Variants in VPS13B observed in about 807,000 individuals in gnomAD.
The protein encoded by VPS13B is intermembrane lipid transfer protein VPS13B.
VPS13B carries 285 observed loss-of-function variants against 426.4 expected under a neutral mutation model. That is an observed-to-expected ratio of 0.67 (90% confidence interval 0.61 to 0.74). The LOEUF is 0.74. Among genes scored for constraint, VPS13B ranks in the 30% least tolerant of loss-of-function variants. The pLI is 0.00. For missense variants in VPS13B, 4,537 were observed against 4,782.6 expected, an observed-to-expected ratio of 0.95 and a Z score of 1.51; for synonymous variants, 1,676 against 1,676.4, an observed-to-expected ratio of 1.00 and a Z score of 0.01.
chr8:99,814,068 A>G (rs1279137134), intron 44 of VPS13B, among the ~76,000 whole-genome samples: 1 of 152,240 alleles, frequency 6.6e-6, no homozygotes, highest in African/African-American at 2.4e-5. Flanking sequence ...TGAGCCGAGG[A>G]GTTCAAGGCT....
chr8:99,086,827 C>T (rs1348060664), intron 3 of VPS13B, among the ~76,000 whole-genome samples: 2 of 152,152 alleles, frequency 1.3e-5, no homozygotes, highest in African/African-American at 4.8e-5. Flanking sequence ...AGCTTTGTCT[C>T]AGAGGAGTAC....
intron 19 of VPS13B, among the ~76,000 whole-genome samples, chr8:99,379,847 AAG>A (rs1188747186): frequency 2.0e-5 from 3 of 152,176 alleles, no homozygotes; most frequent in Non-Finnish European, 4.4e-5. Context: ...ATTTGACAGA[AAG>A]AAATTCATAG....
chr8:99,131,125 C>T (rs1809774131), intron 8 of VPS13B, among the ~76,000 whole-genome samples: 1 of 151,966 alleles, frequency 6.6e-6, no homozygotes, highest in African/African-American at 2.4e-5. Context: ...AAAAAGTAAC[C>T]TTTTCTTTTT....
intron 30 of VPS13B, among the ~76,000 whole-genome samples, chr8:99,555,246 T>C (rs186317008): frequency 1.1e-3 from 175 of 152,238 alleles, no homozygotes; most frequent in Non-Finnish European, 7.8e-4. Context: ...AGTCATTCAC[T>C]GTCCATTATC....
chr8:99,025,262 TC>T (rs902208191), intron 2 of VPS13B, among the ~76,000 whole-genome samples: 9 of 152,172 alleles, frequency 5.9e-5, no homozygotes, highest in African/African-American at 2.2e-4. Context: ...CCAATTTTGA[TC>T]CCTGTTTCAA....
chr8:99,311,650 A>C (rs939054118), intron 19 of VPS13B, among the ~76,000 whole-genome samples: 1 of 152,118 alleles, frequency 6.6e-6, no homozygotes. Context: ...TATTCTGTTG[A>C]TTTGGGGTAG....
At chr8:99,714,826 C>T (rs769373793) in intron 36 of VPS13B, among the ~76,000 whole-genome samples, 10 of 152,016 alleles carry the variant, frequency 6.6e-5, no homozygotes, top group Non-Finnish European at 1.3e-4. Context: ...GGATGTGTCA[C>T]ATATTAAAGA....
chr8:99,093,200 C>A (rs1333902256), intron 3 of VPS13B, among the ~76,000 whole-genome samples: 2 of 151,776 alleles, frequency 1.3e-5, no homozygotes, highest in African/African-American at 2.4e-5. Flanking sequence ...GATTTGGTTA[C>A]TGGAAAGAAC....
At chr8:99,671,613 A>G (rs888123099) in intron 35 of VPS13B, among the ~76,000 whole-genome samples, 2 of 152,092 alleles carry the variant, frequency 1.3e-5, no homozygotes, top group Admixed American at 1.3e-4. Flanking sequence ...GTCTTACTAC[A>G]TTTAAGTCTT....
intron 19 of VPS13B, among the ~76,000 whole-genome samples, chr8:99,360,286 CT>C (rs1267102610): frequency 8.2e-6 from 1 of 121,444 alleles, no homozygotes; most frequent in African/African-American, 3.3e-5. Flanking sequence ...TTCCTTCTTT[CT>C]TTTTTTTTGT....
chr8:99,033,813 T>G (rs933252088), intron 2 of VPS13B, among the ~76,000 whole-genome samples: 1 of 152,038 alleles, frequency 6.6e-6, no homozygotes, highest in Non-Finnish European at 1.5e-5. Context: ...GGAAAATCAT[T>G]TGAACCCGGG....
At chr8:99,268,545 A>G (rs775246979) in intron 17 of VPS13B, among the ~76,000 whole-genome samples, 6 of 152,276 alleles carry the variant, frequency 3.9e-5, no homozygotes, top group Non-Finnish European at 7.4e-5. Flanking sequence ...TGACTGCCCT[A>G]TTGGATTTTA....
At chr8:99,476,402 G>T (rs1819689390) in intron 24 of VPS13B, among the ~76,000 whole-genome samples, 1 of 144,918 alleles carries the variant, frequency 6.9e-6, no homozygotes, top group Non-Finnish European at 1.5e-5. Context: ...CCAAAGGATG[G>T]CTTGATTTTT....
chr8:99,722,194 G>A (rs552931856), intron 39 of VPS13B, among the ~76,000 whole-genome samples: 8 of 152,176 alleles, frequency 5.3e-5, no homozygotes, highest in African/African-American at 1.7e-4. Context: ...CTTGGTCTTC[G>A]TCAGTCAGGT....
intron 15 of VPS13B, among the ~76,000 whole-genome samples, chr8:99,160,708 C>G (rs930966949): frequency 4.2e-4 from 62 of 146,850 alleles, no homozygotes; most frequent in African/African-American, 1.3e-3. Flanking sequence ...TGTAATGTAT[C>G]AAAAGATTAG....
At chr8:99,840,364 T>C (rs1048612321) in intron 54 of VPS13B, among the ~76,000 whole-genome samples, 2 of 152,264 alleles carry the variant, frequency 1.3e-5, no homozygotes, top group African/African-American at 4.8e-5. Flanking sequence ...GTCTTGTTGA[T>C]ATTGGCCTAG....
chr8:99,207,000 A>G (rs182260105), intron 17 of VPS13B, among the ~76,000 whole-genome samples: 7 of 152,178 alleles, frequency 4.6e-5, no homozygotes, highest in Admixed American at 1.3e-4. Flanking sequence ...AGAACTACCA[A>G]TTAGACCTCT....
At chr8:99,231,751 T>C (rs1816332737) in intron 17 of VPS13B, among the ~76,000 whole-genome samples, 1 of 152,224 alleles carries the variant, frequency 6.6e-6, no homozygotes, top group African/African-American at 2.4e-5. Context: ...GGTAGCTTTT[T>C]CTGTGTGTTT....
At chr8:99,274,006 G>C (rs1360701424) in intron 17 of VPS13B, among the ~76,000 whole-genome samples, 192 bp from the exon 18 acceptor site, 2 of 151,964 alleles carry the variant, frequency 1.3e-5, no homozygotes, top group Non-Finnish European at 2.9e-5. Context: ...ATAGTTATGA[G>C]AGTTCAGCCC....
Sources: allele counts gnomAD v4.1 joint callset (sites outside exome capture counted in the v4.1 genomes callset), GRCh38; gene constraint gnomAD v4.1.1; transcripts MANE v1.5; gene names NCBI Gene and HGNC (gene_info 2026-07-23, HGNC 2026-07-21).